FSTL5: variants seen among roughly 807,000 people sequenced by gnomAD.
The protein encoded by FSTL5 is follistatin like 5.
In FSTL5, 62 loss-of-function variants were observed where a neutral mutation model predicts 89.1. The observed-to-expected ratio is 0.70, with a 90% CI of 0.57 to 0.86. The LOEUF (loss-of-function observed/expected upper bound fraction) is 0.86. FSTL5 is among the 40% of genes least tolerant of loss of function. The probability of loss-of-function intolerance (pLI) is 0.00; values close to 1 mark genes in which losing one functional copy is unlikely to be tolerated. For synonymous variants in FSTL5, 383 were observed against 346.2 expected, an observed-to-expected ratio of 1.11 and a Z score of -1.18; for missense variants, 1,057 against 1,001.6, an observed-to-expected ratio of 1.06 and a Z score of -0.75.
chr4:161,713,133 G>A (rs967823176), intron 6 of FSTL5, among the ~76,000 whole-genome samples: 10 of 152,124 alleles, frequency 6.6e-5, no homozygotes, highest in South Asian at 4.1e-4. Flanking sequence ...TGGTAAGTCC[G>A]AGCTCTTCCT....
intron 2 of FSTL5, among the ~76,000 whole-genome samples, chr4:162,093,738 C>G (rs1331414380): frequency 6.6e-6 from 1 of 152,116 alleles, no homozygotes; most frequent in Non-Finnish European, 1.5e-5. Context: ...TAACCACAAA[C>G]TTCTGTGATT....
intron 3 of FSTL5, among the ~76,000 whole-genome samples, chr4:161,974,371 C>G (rs1207219539): frequency 2.0e-5 from 3 of 150,434 alleles, no homozygotes; most frequent in African/African-American, 7.4e-5. Flanking sequence ...GCTACAGTAA[C>G]CAAAACAGCA....
intron 13 of FSTL5, among the ~76,000 whole-genome samples, chr4:161,463,341 A>G (rs908963288): frequency 4.6e-5 from 7 of 152,220 alleles, no homozygotes; most frequent in African/African-American, 1.4e-4. Context: ...AAATAAAAAA[A>G]GTAATATAAC....
intron 2 of FSTL5, among the ~76,000 whole-genome samples, chr4:162,101,936 C>A (rs13144704): frequency 1.3e-5 from 2 of 152,160 alleles, no homozygotes; most frequent in South Asian, 2.1e-4. Flanking sequence ...GAAAACATAT[C>A]TTTAGTCATT....
At chr4:162,000,643 A>G (rs903796188) in intron 3 of FSTL5, among the ~76,000 whole-genome samples, 6 of 151,990 alleles carry the variant, frequency 3.9e-5, no homozygotes, top group African/African-American at 1.4e-4. Context: ...ATATATATAC[A>G]AAATGATAAA....
intron 4 of FSTL5, among the ~76,000 whole-genome samples, chr4:161,782,680 A>C (rs1457598551): frequency 1.3e-5 from 2 of 152,174 alleles, no homozygotes; most frequent in Non-Finnish European, 2.9e-5. Flanking sequence ...CTTACTGGAA[A>C]TAAAAGGGAA....
chr4:161,505,377 C>G (rs1730442361), intron 11 of FSTL5, among the ~76,000 whole-genome samples: 1 of 152,140 alleles, frequency 6.6e-6, no homozygotes, highest in Admixed American at 6.5e-5. Flanking sequence ...ACTTGCTTAT[C>G]CTTTCATTCT....
At chr4:162,109,192 G>A (rs1371057899) in intron 2 of FSTL5, among the ~76,000 whole-genome samples, 2 of 152,014 alleles carry the variant, frequency 1.3e-5, no homozygotes, top group African/African-American at 2.4e-5. Flanking sequence ...GACACAAACA[G>A]AAATAAAAGC....
intron 4 of FSTL5, among the ~76,000 whole-genome samples, chr4:161,814,943 C>G (rs1730278138): frequency 6.6e-6 from 1 of 151,896 alleles, no homozygotes; most frequent in Admixed American, 6.6e-5. Flanking sequence ...GCATAGATGC[C>G]AACTATACAT....
intron 11 of FSTL5, among the ~76,000 whole-genome samples, chr4:161,503,928 A>G (rs1730388113): frequency 6.6e-6 from 1 of 151,814 alleles, no homozygotes; most frequent in African/African-American, 2.4e-5. Context: ...TGTCATTCAC[A>G]TTTTTTCTTG....
intron 4 of FSTL5, among the ~76,000 whole-genome samples, chr4:161,833,759 TTGAGCC>T (rs918103134): frequency 3.3e-5 from 5 of 151,940 alleles, no homozygotes; most frequent in Non-Finnish European, 4.4e-5. Context: ...TCCTTTTATT[TTGAGCC>T]TATGTGTGTC....
chr4:162,102,053 G>A (rs936405193), intron 2 of FSTL5, among the ~76,000 whole-genome samples: 4 of 152,050 alleles, frequency 2.6e-5, no homozygotes, highest in Non-Finnish European at 5.9e-5. Flanking sequence ...TGAATAGGTG[G>A]AAGCACAAAG....
At chr4:161,972,397 T>C (rs1437437328) in intron 3 of FSTL5, among the ~76,000 whole-genome samples, 4 of 152,142 alleles carry the variant, frequency 2.6e-5, no homozygotes, top group Non-Finnish European at 5.9e-5. Context: ...AATAATGCAA[T>C]TTAGAAAAGG....
intron 12 of FSTL5, among the ~76,000 whole-genome samples, chr4:161,487,446 A>G (rs1729716898): frequency 1.3e-5 from 2 of 152,110 alleles, no homozygotes; most frequent in Non-Finnish European, 2.9e-5. Flanking sequence ...CCATTTAGAA[A>G]CTTTTATAGC....
chr4:161,521,296 A>G (rs1731010211), intron 10 of FSTL5, among the ~76,000 whole-genome samples: 1 of 152,110 alleles, frequency 6.6e-6, no homozygotes, highest in African/African-American at 2.4e-5. Flanking sequence ...AAATATTGAA[A>G]TTATAAAAAT....
chr4:161,904,653 A>C (rs1383009543), intron 4 of FSTL5, among the ~76,000 whole-genome samples: 1 of 151,788 alleles, frequency 6.6e-6, no homozygotes, highest in Non-Finnish European at 1.5e-5. Context: ...AATCACAATA[A>C]TCCCCCAAAA....
intron 1 of FSTL5, among the ~76,000 whole-genome samples, chr4:162,145,066 ACAATG>A (rs779392385): frequency 6.7e-6 from 1 of 148,340 alleles, no homozygotes; most frequent in African/African-American, 2.5e-5. Context: ...AATACAATAT[ACAATG>A]TATATTCATA....
intron 8 of FSTL5, among the ~76,000 whole-genome samples, chr4:161,564,494 T>C (rs1732730626): frequency 6.7e-6 from 1 of 149,634 alleles, no homozygotes; most frequent in Non-Finnish European, 1.5e-5. Flanking sequence ...TGATAACTAA[T>C]ATAATTTATT....
chr4:162,072,714 T>G (rs896787703), intron 2 of FSTL5, among the ~76,000 whole-genome samples: 2 of 151,854 alleles, frequency 1.3e-5, no homozygotes, highest in African/African-American at 4.8e-5. Flanking sequence ...TAATTTTATG[T>G]GTCTAACTGA....
Sources: gnomAD v4.1 joint callset for allele counts (sites outside exome capture counted in the v4.1 genomes callset) on GRCh38, gnomAD v4.1.1 for gene constraint, MANE v1.5 for transcripts, NCBI Gene and HGNC (gene_info 2026-07-23, HGNC 2026-07-21) for gene names.